VAV2: variants seen among roughly 807,000 people sequenced by gnomAD.
The protein encoded by VAV2 is guanine nucleotide exchange factor VAV2.
Under a neutral mutation model 132.5 loss-of-function variants are expected in VAV2, and 67 were observed. The observed-to-expected ratio is 0.51, with a 90% CI of 0.42 to 0.62. The LOEUF is 0.62. Ranked by LOEUF, VAV2 falls within the 20% of genes least tolerant of loss-of-function variation. The pLI is 0.00. For missense variants in VAV2, 938 were observed against 1,153.6 expected, an observed-to-expected ratio of 0.81 and a Z score of 2.71; for synonymous variants, 492 against 443.5, an observed-to-expected ratio of 1.11 and a Z score of -1.37.
chr9:133,937,256 G>T (rs1840944706), intron 2 of VAV2, among the ~76,000 whole-genome samples: 1 of 152,232 alleles, frequency 6.6e-6, no homozygotes, highest in East Asian at 1.9e-4. Flanking sequence ...ATGGATGTCT[G>T]TGTGAATGTG....
At chr9:133,878,021 C>A (rs1387493821) in intron 2 of VAV2, among the ~76,000 whole-genome samples, 2 of 152,220 alleles carry the variant, frequency 1.3e-5, no homozygotes, top group Non-Finnish European at 2.9e-5. Flanking sequence ...GGCCCCCCGA[C>A]ACCCCCCACT....
At chr9:133,902,439 G>A (rs1021459478) in intron 2 of VAV2, among the ~76,000 whole-genome samples, 14 of 152,204 alleles carry the variant, frequency 9.2e-5, no homozygotes, top group Admixed American at 3.9e-4. Flanking sequence ...CACTGGAAGC[G>A]GGGAGACTCC....
rs767762962 is a variant in VAV2, at chr9:133,992,101, T to C, written c.178A>G (p.Ile60Val). 5 of 1,583,202 alleles carry C rather than the reference T, an allele frequency of 3.2e-6. No individual in the cohort carries two copies. In the South Asian group the frequency reaches 5.7e-5, roughly 18 times the overall value. ...TGGGACATCTGCGGCCGGAAGTTGATGTCCTTGAGGTCGATGGAGCCGGGG... is the reference window on the plus strand; with the variant it reads ...TGGGACATCTGCGGCCGGAAGTTGACGTCCTTGAGGTCGATGGAGCCGGGG... ...LSPGSIDLKD[I>V]NFRPQMSQFL... is the part of the protein sequence containing the mutation. Residue 60 changes from isoleucine (I) to valine (V), a missense_variant, in exon 1 of 30, where the codon ATC (isoleucine) becomes GTC (valine). Ile to Val is a conservative substitution (Grantham distance 29, BLOSUM62 3). Transcript: ENST00000371850. The surrounding 1 kb of genome is among the most constrained non-coding windows in gnomAD (Gnocchi z 5.5).
intron 1 of VAV2, among the ~76,000 whole-genome samples, chr9:133,970,042 C>T (rs975503434): frequency 6.6e-6 from 1 of 152,164 alleles, no homozygotes; most frequent in Non-Finnish European, 1.5e-5. Flanking sequence ...CCCCTGGCCT[C>T]AGCACCCGCT....
At chr9:133,773,354 C>G (rs956555610) in intron 25 of VAV2, among the ~76,000 whole-genome samples, 2 of 152,220 alleles carry the variant, frequency 1.3e-5, no homozygotes, top group African/African-American at 4.8e-5. Flanking sequence ...ATGACTGGAG[C>G]TTGCAGGACT....
rs1169935899 is a variant in VAV2 at position 133,823,470 on chromosome 9, C to T, written c.449+10802G>A. ...CTACAATAAAACCCAGCATGTGACGCTTGTTCATTTTAGAGCAATATTTCT... is the reference window on the plus strand; with the variant it reads ...CTACAATAAAACCCAGCATGTGACGTTTGTTCATTTTAGAGCAATATTTCT... On this transcript the variant is annotated intron_variant, in intron 4 of 29. Coordinates refer to ENST00000371850, the MANE Select transcript of VAV2 (RefSeq NM_001134398.2). The surrounding 1 kb of genome is among the most constrained non-coding windows in gnomAD (Gnocchi z 5.5). 1.3e-5 allele frequency among the ~76,000 whole-genome samples: 2 copies of T among 152,280 alleles called. No individual in the cohort carries two copies. Among genetic ancestry groups the T allele is most frequent in the East Asian group, 1.9e-4 (1 of 5,184 alleles).
In VAV2 at chr9:133,824,736, G is replaced by A. The variant is rs1835918421; in HGVS notation, c.449+9536C>T. On this transcript the variant is annotated intron_variant, in intron 4 of 29. Transcript: ENST00000371850. This position sits in a 1 kb window ranked among gnomAD's most constrained non-coding sequence, Gnocchi z 5.2. ...GAGGGCTCCTTTAGCCACCCCTGGG[G>A]TTAGGGAGGGGTGGTCTGACAATGA... is the stretch of plus-strand genomic sequence containing the variant. 2.0e-5 allele frequency among the ~76,000 whole-genome samples: 3 copies of A among 152,248 alleles called. No homozygotes were observed. Among genetic ancestry groups the A allele is most frequent in the Admixed American group, 1.3e-4 (2 of 15,304 alleles).
In VAV2 at chr9:133,775,050, A is replaced by G; in HGVS notation, c.2020T>C (p.Phe674Leu). 1 of 1,605,428 alleles carries G rather than the reference A, an allele frequency of 6.2e-7. No homozygotes were observed. The highest frequency in any genetic ancestry group is 8.5e-7 in the Non-Finnish European group (1 of 1,176,240). Residue 674 changes from phenylalanine (F) to leucine (L), a missense_variant and splice_region_variant, in exon 25 of 30, where the codon TTT becomes CTT. Transcript: ENST00000371850. ...REIDYTAYPW[F>L]AGNMERQQTD... is the part of the protein sequence containing the mutation. ...TGCTGCCTCTCCATGTTACCTGCAAACCTACAGGAGGGGGCCGGGAGGAAA... is the reference window on the plus strand; with the variant it reads ...TGCTGCCTCTCCATGTTACCTGCAAGCCTACAGGAGGGGGCCGGGAGGAAA...
Position 133,969,191 on chromosome 9 carries a change from C to T in VAV2, c.204+22884G>A, listed in dbSNP as rs990697350. 8.6e-5 allele frequency among the ~76,000 whole-genome samples: 13 copies of T among 151,750 alleles called. No homozygotes were observed. Among genetic ancestry groups the T allele is most frequent in the Admixed American group, 7.2e-4 (11 of 15,238 alleles). On this transcript the variant is annotated intron_variant, in intron 1 of 29. Transcript: ENST00000371850. The surrounding 1 kb of genome is among the most constrained non-coding windows in gnomAD (Gnocchi z 5.1). Reference sequence around the variant, plus strand: ...TGCGAGGACGAGAGCTGGATTCCACCGTGCCCGCCGGGCCTGCGAGGACGA... The same window carrying T: ...TGCGAGGACGAGAGCTGGATTCCACTGTGCCCGCCGGGCCTGCGAGGACGA...
chr9:133,860,521 G>A (rs1837553272), intron 3 of VAV2, among the ~76,000 whole-genome samples: 2 of 152,088 alleles, frequency 1.3e-5, no homozygotes, highest in Non-Finnish European at 2.9e-5. Context: ...CCCTCAGCCT[G>A]TAGTCATACA....
At chr9:133,925,048 T>A (rs1213272084) in intron 2 of VAV2, among the ~76,000 whole-genome samples, 1 of 152,218 alleles carries the variant, frequency 6.6e-6, no homozygotes, top group African/African-American at 2.4e-5. Context: ...CATTAGTAGT[T>A]ACCAGGAACT....
intron 1 of VAV2, among the ~76,000 whole-genome samples, chr9:133,967,933 C>CAA (rs34152925): frequency 0.035 from 2,439 of 70,192 alleles, 13 homozygotes; most frequent in East Asian, 0.048. Flanking sequence ...ACTCTATAAC[C>CAA]AAAAAAAAAA....
At chr9:133,929,966 A>G (rs1233989412) in intron 2 of VAV2, among the ~76,000 whole-genome samples, 1 of 152,238 alleles carries the variant, frequency 6.6e-6, no homozygotes, top group Non-Finnish European at 1.5e-5. Flanking sequence ...AAAAACAGAT[A>G]AAAGTGGAGC....
rs569100320 is a variant in VAV2 at position 133,969,786 on chromosome 9, C to G, written c.204+22289G>C. 2.0e-5 allele frequency among the ~76,000 whole-genome samples: 3 copies of G among 152,150 alleles called. No homozygotes were observed. Among genetic ancestry groups the G allele is most frequent in the Non-Finnish European group, 4.4e-5 (3 of 68,010 alleles). On this transcript the variant is annotated intron_variant, in intron 1 of 29. Coordinates refer to ENST00000371850, the MANE Select transcript of VAV2 (RefSeq NM_001134398.2). The surrounding 1 kb of genome is among the most constrained non-coding windows in gnomAD (Gnocchi z 5.1). ...CCATTCCCACTTCTCTCCCCACCCC[C>G]CAGCCTGGACACCCCCATCTGCCTC...
rs1235547692 is a variant in VAV2 at position 133,939,198 on chromosome 9, G to A, written c.226C>T (p.Arg76Cys). Reference protein sequence around the residue: ...MSQFLCLKNIRTFLKVCHDKF... With the variant: ...MSQFLCLKNICTFLKVCHDKF... ...TCGTGGCAGACTTTCAGGAAGGTGCGTATGTTCTTCAAACACAGAAACTAA... is the reference window on the plus strand; with the variant it reads ...TCGTGGCAGACTTTCAGGAAGGTGCATATGTTCTTCAAACACAGAAACTAA... Residue 76 changes from arginine to cysteine, a missense_variant, in exon 2 of 30, where the codon CGC becomes TGC. By Grantham distance (180) the Arg-to-Cys change is radical. Coordinates refer to ENST00000371850, the MANE Select transcript of VAV2 (RefSeq NM_001134398.2). The A allele has an allele frequency of 5.0e-6, 8 of 1,614,234 alleles. No homozygotes were observed. Among genetic ancestry groups the A allele is most frequent in the East Asian group, 2.2e-5 (1 of 44,886 alleles).
intron 1 of VAV2, among the ~76,000 whole-genome samples, chr9:133,985,203 A>C (rs1289600167): frequency 2.0e-5 from 3 of 150,466 alleles, no homozygotes; most frequent in Non-Finnish European, 4.4e-5. Context: ...AGCACTGAGC[A>C]CACCTCATCC....
intron 1 of VAV2, among the ~76,000 whole-genome samples, chr9:133,966,064 A>G (rs868637099): frequency 8.5e-4 from 130 of 152,234 alleles, no homozygotes; most frequent in Non-Finnish European, 1.5e-3. Flanking sequence ...GGTGATAGGT[A>G]AACTGCATAT....
chr9:133,958,701 G>A (rs951067305), intron 1 of VAV2, among the ~76,000 whole-genome samples: 9 of 152,070 alleles, frequency 5.9e-5, no homozygotes, highest in African/African-American at 9.7e-5. Flanking sequence ...TCCACCTTAC[G>A]AGAAACACCC....
chr9:133,828,627 TG>T (rs1836143108), intron 4 of VAV2, among the ~76,000 whole-genome samples: 1 of 152,240 alleles, frequency 6.6e-6, no homozygotes, highest in African/African-American at 2.4e-5. Flanking sequence ...GCCACCAAGT[TG>T]GGGTCACAGC....
Sources: gnomAD v4.1 joint callset for allele counts (sites outside exome capture counted in the v4.1 genomes callset) on GRCh38, gnomAD v4.1.1 for gene constraint, Gnocchi (gnomAD v3.1) non-coding constraint, MANE v1.5 for transcripts, NCBI Gene and HGNC (gene_info 2026-07-23, HGNC 2026-07-21) for gene names.